Variants in MCM6 observed in about 807,000 individuals in gnomAD.
The protein encoded by MCM6 is minichromosome maintenance complex component 6.
MCM6 carries 46 observed loss-of-function variants against 94.3 expected under a neutral mutation model. That is an observed-to-expected ratio of 0.49 (90% CI 0.39 to 0.62). The LOEUF is 0.62. Among genes scored for constraint, MCM6 ranks in the 20% least tolerant of loss-of-function variants. MCM6 has a pLI of 0.00. For missense variants in MCM6, 865 were observed against 1,017.9 expected (o/e 0.85, Z 2.04); for synonymous variants, 335 against 351.9 (o/e 0.95, Z 0.54).
chr2:135,868,782 GT>G lies in MCM6; in HGVS notation c.443del (p.His148ProfsTer5). The part of the protein sequence containing the change: ...SGQVVRTHPV[H>X]PELVSGTFLC... ...GAAAAGTTCCGCTCACAAGCTCTGG[GT>G]GAACTGGGTGAGTCCGCACCACCTG... On this transcript the variant is annotated frameshift_variant, in exon 4 of 17. Coordinates refer to ENST00000264156, the MANE Select transcript of MCM6 (RefSeq NM_005915.6). LOFTEE classifies it high-confidence loss of function. The G allele has an allele frequency of 6.2e-7, 1 of 1,614,180 alleles. No individual in the cohort carries two copies. The highest frequency in any genetic ancestry group is 8.5e-7 in the Non-Finnish European group (1 of 1,180,034).
At chr2:135,866,067 A>T (rs1231780383) in intron 6 of MCM6, 65 bp downstream of exon 6, 3 of 1,580,930 alleles carry the variant, frequency 1.9e-6, no homozygotes, top group Non-Finnish European at 2.6e-6. Flanking sequence ...TTGCCATTGC[A>T]CTCCAGCCTG....
chr2:135,844,528 C>T lies in MCM6; in HGVS notation c.2349+17G>A, dbSNP rs141055247. ...CCTCCCTCCCTGATACCAGAGCACG[C>T]GCACTTCTGCACCTACATAGTGTGT... On this transcript the variant is annotated intron_variant, in intron 16 of 16. Coordinates refer to ENST00000264156, the MANE Select transcript of MCM6 (RefSeq NM_005915.6). 197 of 1,480,566 alleles carry T rather than the reference C, an allele frequency of 1.3e-4. No individual in the cohort carries two copies. The highest frequency in any genetic ancestry group is 5.4e-4 in the Middle Eastern group (3 of 5,586). 91.7% of individuals were successfully genotyped at this position (1,480,566 alleles called of 1,614,324 possible).
At chr2:135,871,857 C>T (rs545471290) in intron 2 of MCM6, among the ~76,000 whole-genome samples, 5 of 152,314 alleles carry the variant, frequency 3.3e-5, no homozygotes, top group East Asian at 1.9e-4. Flanking sequence ...CTGCTAATGA[C>T]GGTGGTGGAT....
intron 9 of MCM6, 150 bp from the exon 10 acceptor site, chr2:135,858,154 T>C (rs1260857341): frequency 1.4e-6 from 1 of 706,472 alleles, no homozygotes; most frequent in South Asian, 1.7e-5. Flanking sequence ...TGATTGCCAC[T>C]GTACTCCAGG....
At chr2:135,845,723 T>G (rs548668746) in intron 15 of MCM6, among the ~76,000 whole-genome samples, 1 of 152,200 alleles carries the variant, frequency 6.6e-6, no homozygotes, top group African/African-American at 2.4e-5. Context: ...TGATAAAACT[T>G]TGAATAGCAT....
At chr2:135,867,377 C>T (rs1435577) in intron 4 of MCM6, among the ~76,000 whole-genome samples, 4 of 151,876 alleles carry the variant, frequency 2.6e-5, no homozygotes, top group African/African-American at 9.7e-5. Context: ...GTTCCCCCCC[C>T]CAAACTAAGA....
chr2:135,862,718 A>G lies in MCM6; in HGVS notation c.1109T>C (p.Leu370Pro), dbSNP rs778561165. The change falls in exon 8 of 17, where the codon CTG becomes CCG. Residue 370 changes from leucine (L) to proline (P), a missense_variant. Leu to Pro is a moderately conservative substitution (Grantham distance 98). Transcript: ENST00000264156. ...GNDEVKRGVL[L>P]MLFGGVPKTT... ...CTTTGGAACGCCACCAAAGAGCATC[A>G]GCAGGACACCCCGTTTTACTTCATC... 6.2e-7 allele frequency: 1 copy of G among 1,614,228 alleles called. No individual in the cohort carries two copies. Among genetic ancestry groups the G allele is most frequent in the Non-Finnish European group, 8.5e-7 (1 of 1,180,038 alleles).
intron 1 of MCM6, among the ~76,000 whole-genome samples, chr2:135,876,017 C>CAAAGT (rs1680289356): frequency 2.6e-5 from 4 of 152,210 alleles, no homozygotes; most frequent in Non-Finnish European, 5.9e-5. Context: ...AGAAGCAAAG[C>CAAAGT]GCTGAGCACT....
At chr2:135,864,199 A>G (rs1680047066) in intron 7 of MCM6, among the ~76,000 whole-genome samples, 2 of 152,244 alleles carry the variant, frequency 1.3e-5, no homozygotes, top group Non-Finnish European at 2.9e-5. Flanking sequence ...GGAAGAGTTC[A>G]AAGATAAAGC....
chr2:135,876,417 G>T lies in MCM6; in HGVS notation c.-52C>A. The T allele has an allele frequency of 1.3e-6, 2 of 1,486,270 alleles. No homozygotes were observed. Among genetic ancestry groups the T allele is most frequent in the Admixed American group, 2.1e-5 (1 of 47,880 alleles). The allele number at this position is 1,486,270 out of a possible 1,614,324, so 92.1% of individuals were successfully genotyped here. On this transcript the variant is annotated 5_prime_UTR_variant, in exon 1 of 17. Transcript: ENST00000264156. ...GCGCCACGCTCGACCGCCACAAGTC[G>T]CTTTTTTCCAGACGCTGCAGCTTTG...
chr2:135,870,636 CCT>C (rs1680183149), intron 2 of MCM6, among the ~76,000 whole-genome samples: 1 of 152,224 alleles, frequency 6.6e-6, no homozygotes, highest in East Asian at 1.9e-4. Flanking sequence ...GTTGGCCATT[CCT>C]CTGTCCAAGA....
At chr2:135,847,870 A>G (rs969056903) in intron 14 of MCM6, among the ~76,000 whole-genome samples, 183 bp downstream of exon 14, 3 of 152,232 alleles carry the variant, frequency 2.0e-5, no homozygotes, top group Admixed American at 6.5e-5. Flanking sequence ...CCAAGTATAT[A>G]TATTTTATAT....
chr2:135,857,832 T>A lies in MCM6; in HGVS notation c.1470+65A>T, dbSNP rs1679920446. ...AATGAATTTTATCCAGGTGAACTTC[T>A]CTAGTACTACATTAATCAACAAGGC... On this transcript the variant is annotated intron_variant, in intron 10 of 16. Transcript: ENST00000264156. The A allele has an allele frequency of 4.5e-6, 6 of 1,347,608 alleles. No homozygotes were observed. The Admixed American group carries it at 1.0e-4, about 23-fold the overall frequency. 83.5% of individuals were successfully genotyped at this position (1,347,608 alleles called of 1,614,324 possible). A position where few individuals can be genotyped will look rare whatever the true frequency, so the allele number is the denominator to read the frequency against.
At chr2:135,846,747 T>C (rs1679678803) in intron 14 of MCM6, among the ~76,000 whole-genome samples, 2 of 151,832 alleles carry the variant, frequency 1.3e-5, no homozygotes, top group Non-Finnish European at 2.9e-5. Flanking sequence ...CTCACACCTG[T>C]AATCCCAGCA....
intron 15 of MCM6, among the ~76,000 whole-genome samples, chr2:135,845,987 T>C (rs1447513319): frequency 6.6e-6 from 1 of 152,210 alleles, no homozygotes; most frequent in East Asian, 1.9e-4. Context: ...GGTCCCAAAA[T>C]TATTAAAATA....
intron 5 of MCM6, 120 bp downstream of exon 5, chr2:135,866,443 C>T: frequency 1.4e-6 from 2 of 1,401,008 alleles, no homozygotes; most frequent in South Asian, 1.4e-5. Context: ...ATTCTCATCA[C>T]ACTTCGTTCC....
rs368325467 is a variant in MCM6 at position 135,848,050 on chromosome 2, C to T, written c.2053+3G>A. The T allele has an allele frequency of 2.5e-6, 4 of 1,605,362 alleles. No homozygotes were observed. The highest frequency in any genetic ancestry group is 1.7e-4 in the Middle Eastern group (1 of 6,016). ...AAAACAGTCACATGAACAAGTATCT[C>T]ACCATTGATGCCACCAGCACCCTCA... On this transcript the variant is annotated splice_donor_region_variant and intron_variant, in intron 14 of 16. Coordinates refer to ENST00000264156, the MANE Select transcript of MCM6 (RefSeq NM_005915.6).
intron 13 of MCM6, among the ~76,000 whole-genome samples, chr2:135,848,838 T>C (rs1218397958): frequency 1.3e-5 from 2 of 152,096 alleles, no homozygotes; most frequent in Non-Finnish European, 2.9e-5. Flanking sequence ...TGAGCCGAGA[T>C]TGTGACACTG....
At position 135,865,859 on chromosome 2, in the gene MCM6, G is replaced by A. The variant is rs187763764; in HGVS notation, c.927+273C>T. Among the ~76,000 whole-genome samples, 271 of 152,186 alleles carry A rather than the reference G, an allele frequency of 1.8e-3. 1 individual carries two copies. In the Middle Eastern group the frequency reaches 0.037, roughly 21 times the overall value. On this transcript the variant is annotated intron_variant, in intron 6 of 16. Transcript: ENST00000264156. ...ATCCTATCATTTCGTGGCAGCTCAG[G>A]GTAGGTGTTTCTTAAGCTGTCACTC... is the stretch of plus-strand genomic sequence containing the variant.
Sources: gnomAD v4.1 joint callset for allele counts (sites outside exome capture counted in the v4.1 genomes callset) on GRCh38, gnomAD v4.1.1 for gene constraint, MANE v1.5 for transcripts, NCBI Gene and HGNC (gene_info 2026-07-23, HGNC 2026-07-21) for gene names.